Variants in SHROOM2 observed in about 807,000 individuals in gnomAD.
SHROOM2 encodes protein Shroom2.
A neutral mutation model predicts 75.9 loss-of-function variants in SHROOM2; 33 were observed. The observed-to-expected ratio is 0.43, with a 90% CI of 0.33 to 0.58. The LOEUF (loss-of-function observed/expected upper bound fraction) is 0.58, where lower values mean the gene tolerates loss of function less well. SHROOM2 is among the 20% of genes least tolerant of loss of function. The pLI, the probability that SHROOM2 is intolerant of heterozygous loss-of-function variation, is 0.04. For synonymous variants in SHROOM2, 655 were observed against 663.6 expected (o/e 0.99, Z 0.20); for missense variants, 1,434 against 1,461.2 (o/e 0.98, Z 0.30).
chrX:9,937,010 A>G, intron 6 of SHROOM2, 124 bp from the exon 7 acceptor site: 1 of 683,645 alleles, frequency 1.5e-6, no homozygotes, highest in Non-Finnish European at 2.1e-6. Context: ...GGCTCCTTCG[A>G]GTTGGGTGGC....
intron 1 of SHROOM2, among the ~76,000 whole-genome samples, chrX:9,791,933 C>T (rs946544010): frequency 2.0e-5 from 2 of 100,150 alleles, no homozygotes; most frequent in African/African-American, 7.4e-5. Context: ...GGAGATCGTG[C>T]CATTGCCCTG....
At position 9,896,481 on chromosome X, in the gene SHROOM2, C is replaced by G. The variant is rs73474584; in HGVS notation, c.2573C>G (p.Ala858Gly). The change falls in exon 4 of 10, where the codon GCG (alanine) becomes GGG (glycine). Residue 858 changes from alanine to glycine, a missense_variant. Ala to Gly is a moderately conservative substitution (Grantham distance 60). Around this residue, in one of 3 missense-constraint regions of SHROOM2, gnomAD observed 1,340 missense variants for 1,338.3 expected, o/e 1.00. Coordinates refer to ENST00000380913, the MANE Select transcript of SHROOM2 (RefSeq NM_001649.4). ...GACAGCCTCAACGCTCACAGCGCAG[C>G]GGAGAAGGCAGGGACTTCAGACCTG... Reference protein sequence around the residue: ...LGDSLNAHSAAEKAGTSDLPR... With the variant: ...LGDSLNAHSAGEKAGTSDLPR... 1,444 of 1,209,010 alleles carry G rather than the reference C, an allele frequency of 1.2e-3. 14 individuals carry two copies. In the African/African-American group the frequency reaches 0.022, roughly 19 times the overall value.
intron 2 of SHROOM2, among the ~76,000 whole-genome samples, chrX:9,888,516 T>A (rs1054650721): frequency 9.0e-6 from 1 of 111,418 alleles, no homozygotes; most frequent in African/African-American, 3.3e-5. Flanking sequence ...CAAACACGGC[T>A]CACTACAGCC....
chrX:9,838,948 G>A (rs1218734693), intron 1 of SHROOM2, among the ~76,000 whole-genome samples: 1 of 111,428 alleles, frequency 9.0e-6, no homozygotes, highest in Non-Finnish European at 1.9e-5. Flanking sequence ...AATGGCTTAA[G>A]GAATACAAAG....
chrX:9,797,002 A>T (rs1010682309), intron 1 of SHROOM2, among the ~76,000 whole-genome samples: 13 of 112,094 alleles, frequency 1.2e-4, no homozygotes, highest in African/African-American at 3.9e-4. Flanking sequence ...AAAGATGAAG[A>T]TTCAGTATCC....
At chrX:9,868,621 G>A (rs1329046187) in intron 1 of SHROOM2, among the ~76,000 whole-genome samples, 8 of 109,313 alleles carry the variant, frequency 7.3e-5, no homozygotes, top group Non-Finnish European at 1.3e-4. Flanking sequence ...ACGGCTCACT[G>A]CGGCCTCAAC....
intron 5 of SHROOM2, among the ~76,000 whole-genome samples, chrX:9,903,371 G>A (rs765081771): frequency 7.1e-5 from 8 of 112,154 alleles, no homozygotes; most frequent in Non-Finnish European, 1.1e-4. Context: ...AATTTTGTCA[G>A]GGCAGAGCCC....
chrX:9,799,834 T>A, intron 1 of SHROOM2, among the ~76,000 whole-genome samples: 1 of 111,464 alleles, frequency 9.0e-6, no homozygotes, highest in Non-Finnish European at 1.9e-5. Context: ...CTTCTTTTTT[T>A]AATTTTCAAT....
In SHROOM2 at chrX:9,948,622, A is replaced by G. The variant is rs755546311; in HGVS notation, c.*1685A>G. 8.8e-6 allele frequency: 1 copy of G among 113,798 alleles called. No individual in the cohort carries two copies. Among genetic ancestry groups the G allele is most frequent in the South Asian group, 3.6e-4 (1 of 2,804 alleles). The allele number at this position is 113,798 out of a possible 1,213,427, so 9.4% of individuals were successfully genotyped here. ...CCGTGTTGACGGTAATGCATTCTCT[A>G]TAGAGCCAAGTCCAAACTGGCAAGC... On this transcript the variant is annotated 3_prime_UTR_variant, in exon 10 of 10. Transcript: ENST00000380913.
intron 5 of SHROOM2, among the ~76,000 whole-genome samples, chrX:9,927,018 A>G (rs2084600681): frequency 9.0e-6 from 1 of 110,979 alleles, no homozygotes; most frequent in Non-Finnish European, 1.9e-5. Flanking sequence ...GTGTGTCTGC[A>G]AATCAGAATG....
intron 8 of SHROOM2, among the ~76,000 whole-genome samples, chrX:9,943,991 G>A (rs759323204): frequency 4.5e-5 from 5 of 110,304 alleles, no homozygotes; most frequent in Non-Finnish European, 9.5e-5. Context: ...AGACCAGCTT[G>A]GCCAACATGG....
chrX:9,880,481 G>A, intron 2 of SHROOM2, among the ~76,000 whole-genome samples: 1 of 113,318 alleles, frequency 8.8e-6, no homozygotes, highest in East Asian at 2.8e-4. Flanking sequence ...CGTGCTTTCA[G>A]TGTGTTGCCA....
intron 5 of SHROOM2, among the ~76,000 whole-genome samples, chrX:9,904,739 T>TA (rs2084382866): frequency 8.9e-6 from 1 of 112,555 alleles, no homozygotes; most frequent in Admixed American, 9.4e-5. Context: ...CCTGGAAACA[T>TA]AGATGTCCAT....
intron 1 of SHROOM2, among the ~76,000 whole-genome samples, chrX:9,843,231 C>T (rs1421235037): frequency 9.2e-6 from 1 of 108,830 alleles, no homozygotes; most frequent in Non-Finnish European, 1.9e-5. Flanking sequence ...TATATCCCTG[C>T]CATCCCCTAT....
Position 9,932,839 on chromosome X carries a change from C to T in SHROOM2, c.3556C>T (p.Pro1186Ser), listed in dbSNP as rs1449161273. ...CCCCCAGAAACTGACGGACAAACCT[C>T]CCCTGCTCATCCAGGATGAGGATTC... is the stretch of plus-strand genomic sequence containing the variant. ...FAPQKLTDKP[P>S]LLIQDEDSTR... The change falls in exon 6 of 10, where the codon CCC becomes TCC. Residue 1186 changes from proline to serine, a missense_variant. Transcript: ENST00000380913. 2.5e-6 allele frequency: 3 copies of T among 1,200,024 alleles called. No individual in the cohort carries two copies. The highest frequency in any genetic ancestry group is 2.2e-5 in the Admixed American group (1 of 45,682).
At chrX:9,914,530 C>T (rs6640558) in intron 5 of SHROOM2, among the ~76,000 whole-genome samples, 29,940 of 110,010 alleles carry the variant, frequency 0.27, 3,277 homozygotes, top group East Asian at 0.69. Flanking sequence ...CACTGATTTC[C>T]AGCTGGCTTT....
intron 1 of SHROOM2, among the ~76,000 whole-genome samples, chrX:9,821,887 C>T (rs1240480973): frequency 1.8e-5 from 2 of 111,814 alleles, no homozygotes; most frequent in Admixed American, 9.5e-5. Flanking sequence ...ATACTAAAAA[C>T]CCTTTGATTC....
At chrX:9,941,895 T>A (rs186906329) in intron 8 of SHROOM2, among the ~76,000 whole-genome samples, 8 of 98,843 alleles carry the variant, frequency 8.1e-5, no homozygotes, top group Admixed American at 4.9e-4. Flanking sequence ...GGCGTGAACC[T>A]GGGAGGCGGA....
chrX:9,862,765 C>G (rs149365952), intron 1 of SHROOM2, among the ~76,000 whole-genome samples: 4,891 of 112,471 alleles, frequency 0.043, 250 homozygotes, highest in African/African-American at 0.15. Context: ...GGTCCTGCTC[C>G]AGGATCACCA....
Sources: gnomAD v4.1 joint callset for allele counts (sites outside exome capture counted in the v4.1 genomes callset) on GRCh38, gnomAD v4.1.1 for gene constraint, gnomAD v4.1.1 regional missense constraint, MANE v1.5 for transcripts, NCBI Gene and HGNC (gene_info 2026-07-23, HGNC 2026-07-21) for gene names.